The following HTT variants were observed in gnomAD, a reference collection of about 807,000 sequenced individuals.
HTT encodes the protein huntington disease protein.
In HTT, 104 loss-of-function variants were observed where a neutral mutation model predicts 362.3. The observed-to-expected ratio is 0.29, with a 90% confidence interval of 0.24 to 0.34. The LOEUF is 0.34. Ranked by LOEUF, HTT falls within the 10% of genes least tolerant of loss-of-function variation. The pLI is 1.00. For missense variants in HTT, 3,301 were observed against 3,928.6 expected, an observed-to-expected ratio of 0.84 and a Z score of 4.27; for synonymous variants, 1,577 against 1,548.7, an observed-to-expected ratio of 1.02 and a Z score of -0.43.
chr4:3,178,392 A>G lies in HTT; in HGVS notation c.4558A>G (p.Ile1520Val), dbSNP rs1718342006. 1 of 1,613,828 alleles carries G rather than the reference A, an allele frequency of 6.2e-7. No individual in the cohort carries two copies. The highest frequency in any genetic ancestry group is 1.3e-5 in the African/African-American group (1 of 75,024). The change falls in exon 35 of 67, where the codon ATC becomes GTC. Residue 1520 changes from isoleucine to valine, a missense_variant. This residue lies in a region of HTT where 2,316 missense variants were observed against 2,658.5 expected (regional missense o/e 0.87). Coordinates refer to ENST00000355072, the MANE Select transcript of HTT (RefSeq NM_001388492.1). ...HSKQIIGIPK[I>V]IQLCDGIMAS... ...AAAACAGATCATTGGAATTCCTAAA[A>G]TCATTCAGCTCTGTGATGGCATCAT...
At chr4:3,160,009 G>A (rs363142) in intron 28 of HTT, among the ~76,000 whole-genome samples, 2,238 of 152,192 alleles carry the variant, frequency 0.015, 22 homozygotes, top group Non-Finnish European at 0.024. Flanking sequence ...TTCTCATTAT[G>A]AAAGAAAGTT....
In HTT at chr4:3,127,330, C is replaced by T. The variant is rs1255535548; in HGVS notation, c.1469C>T (p.Ala490Val). 4 of 1,614,188 alleles carry T rather than the reference C, an allele frequency of 2.5e-6. No individual in the cohort carries two copies. Among genetic ancestry groups the T allele is most frequent in the East Asian group, 4.5e-5 (2 of 44,876 alleles). ...TCAGGGGTTTCCACTCCAGGGTCAG[C>T]AGGTCATGACATCATCACAGAACAG... is the stretch of plus-strand genomic sequence containing the variant. ...ASSGVSTPGS[A>V]GHDIITEQPR... Residue 490 changes from alanine (A) to valine (V), a missense_variant, in exon 12 of 67, where the codon GCA becomes GTA. Physicochemically the swap from Ala to Val is moderately conservative, Grantham distance 64 (BLOSUM62 0). This residue lies in a region of HTT where 2,316 missense variants were observed against 2,658.5 expected (regional missense o/e 0.87). Coordinates refer to ENST00000355072, the MANE Select transcript of HTT (RefSeq NM_001388492.1).
Position 3,148,181 on chromosome 4 carries a change from G to T in HTT, c.3472G>T (p.Asp1158Tyr). ...TAACATTTGTGCCCACGTCCTGGAT[G>T]ACGTGGCTCCTGGACCCGCAATAAA... ...VINICAHVLD[D>Y]VAPGPAIKAA... The change falls in exon 26 of 67, where the codon GAC becomes TAC. Residue 1158 changes from aspartate to tyrosine, a missense_variant. By Grantham distance (160) the Asp-to-Tyr change is radical. Transcript: ENST00000355072. 6.3e-7 allele frequency: 1 copy of T among 1,598,004 alleles called. No homozygotes were observed. Among genetic ancestry groups the T allele is most frequent in the South Asian group, 1.1e-5 (1 of 89,286 alleles).
At chr4:3,173,321 G>A (rs556911952) in intron 31 of HTT, 190 bp downstream of exon 31, 24 of 592,154 alleles carry the variant, frequency 4.1e-5, no homozygotes, top group South Asian at 2.3e-4. Context: ...CTTCCAAGAA[G>A]TGTGTGGCCA....
intron 44 of HTT, 39 bp from the exon 45 acceptor site, chr4:3,207,242 T>C (rs1198881272): frequency 1.3e-6 from 2 of 1,561,996 alleles, no homozygotes; most frequent in Non-Finnish European, 1.8e-6. Context: ...TTTGGGTTGT[T>C]AGGTGTTACA....
chr4:3,150,896 G>T (rs1434332719), intron 26 of HTT, among the ~76,000 whole-genome samples: 1 of 152,156 alleles, frequency 6.6e-6, no homozygotes. Context: ...AAAATTAGCC[G>T]GGTGTGGTGG....
intron 36 of HTT, 119 bp from the exon 37 acceptor site, chr4:3,182,235 C>G (rs1374091482): frequency 1.5e-6 from 1 of 661,630 alleles, no homozygotes; most frequent in Non-Finnish European, 2.7e-6. Context: ...TCGCTGGGAT[C>G]ACATCTGTTT....
At chr4:3,133,449 T>C (rs746919862) in intron 18 of HTT, among the ~76,000 whole-genome samples, 13 of 151,644 alleles carry the variant, frequency 8.6e-5, no homozygotes, top group Non-Finnish European at 1.8e-4. Context: ...TAAGGCGTGG[T>C]TACACCACTG....
At chr4:3,085,532 A>G (rs1409186844) in intron 1 of HTT, among the ~76,000 whole-genome samples, 1 of 152,230 alleles carries the variant, frequency 6.6e-6, no homozygotes, top group Non-Finnish European at 1.5e-5. Context: ...GTTCTTGCTC[A>G]GAGCAAGGTG....
intron 34 of HTT, 44 bp from the exon 35 acceptor site, chr4:3,178,254 C>G (rs377707454): frequency 6.4e-5 from 90 of 1,416,724 alleles, no homozygotes; most frequent in Non-Finnish European, 8.5e-5. Flanking sequence ...TGATATGTAT[C>G]TTAATTTTAA....
chr4:3,171,853 G>C, intron 29 of HTT, among the ~76,000 whole-genome samples: 1 of 152,218 alleles, frequency 6.6e-6, no homozygotes, highest in East Asian at 1.9e-4. Flanking sequence ...TGTGAGAAGA[G>C]TAACATTAAG....
At chr4:3,224,229 T>C in intron 56 of HTT, 98 bp downstream of exon 56, 1 of 1,327,326 alleles carries the variant, frequency 7.5e-7, no homozygotes, top group Non-Finnish European at 1.1e-6. Flanking sequence ...AAGACCTGAG[T>C]GTGGTCTGAG....
In HTT at chr4:3,217,745, C is replaced by A. The variant is rs199516595; in HGVS notation, c.7055-20C>A. The A allele has an allele frequency of 1.9e-6, 3 of 1,602,308 alleles. No homozygotes were observed. The highest frequency in any genetic ancestry group is 1.1e-5 in the South Asian group (1 of 89,476). ...GGATGTGTTTTTTAAAAAGTCCTCT[C>A]TTAACCGTTGCTTGTTTAGATCCTA... On this transcript the variant is annotated intron_variant, in intron 51 of 66. Transcript: ENST00000355072.
rs201557829 is a variant in HTT, at chr4:3,122,951, A to T, written c.1321+15A>T. 1,229 of 1,603,896 alleles carry T rather than the reference A, an allele frequency of 7.7e-4. 8 individuals carry two copies. Among genetic ancestry groups the T allele is most frequent in the Admixed American group, 1.9e-4 (11 of 59,200 alleles). ...AAAACAAAAAGGTGATTATTTCAGA[A>T]ATCAGAGTCTTGTGTTGAATCTTAC... On this transcript the variant is annotated intron_variant, in intron 10 of 66. Transcript: ENST00000355072.
At chr4:3,211,868 C>A in intron 47 of HTT, 61 bp from the exon 48 acceptor site, 1 of 1,205,030 alleles carries the variant, frequency 8.3e-7, no homozygotes, top group Admixed American at 1.7e-5. Flanking sequence ...GTTTTTCTTA[C>A]CTGATTGAAA....
At position 3,142,773 on chromosome 4, in the gene HTT, A is replaced by G. The variant is rs755280787; in HGVS notation, c.2953A>G (p.Arg985Gly). Residue 985 changes from arginine to glycine, a missense_variant, in exon 23 of 67, where the codon AGA becomes GGA. By Grantham distance (125) the Arg-to-Gly change is moderately radical. Coordinates refer to ENST00000355072, the MANE Select transcript of HTT (RefSeq NM_001388492.1). ...FSVSTITRIY[R>G]GYNLLPSITD... The stretch of plus-strand genomic sequence containing the variant: ...CTATATTTTTGTTATTAGAATATAT[A>G]GAGGCTATAACCTACTACCAAGCAT... 2 of 1,486,340 alleles carry G rather than the reference A, an allele frequency of 1.3e-6. No homozygotes were observed. Among genetic ancestry groups the G allele is most frequent in the Admixed American group, 3.4e-5 (2 of 59,590 alleles). 92.1% of individuals were successfully genotyped at this position (1,486,340 alleles called of 1,614,324 possible).
intron 40 of HTT, among the ~76,000 whole-genome samples, chr4:3,195,419 C>T (rs746547859): frequency 2.6e-5 from 4 of 152,078 alleles, no homozygotes; most frequent in East Asian, 1.9e-4. Flanking sequence ...CCTTCCTGCC[C>T]GCCTCCTTTC....
intron 1 of HTT, among the ~76,000 whole-genome samples, chr4:3,086,713 T>G (rs2110141719): frequency 6.6e-6 from 1 of 152,250 alleles, no homozygotes; most frequent in Middle Eastern, 3.4e-3. Flanking sequence ...AATGAACTGC[T>G]TTAGTAACAT....
intron 2 of HTT, among the ~76,000 whole-genome samples, chr4:3,095,465 A>C (rs1713809383): frequency 6.6e-6 from 1 of 152,206 alleles, no homozygotes; most frequent in African/African-American, 2.4e-5. Context: ...CAGTGAGTAG[A>C]GATGGTGGCA....
Sources: gnomAD v4.1 joint callset for allele counts (sites outside exome capture counted in the v4.1 genomes callset) on GRCh38, gnomAD v4.1.1 for gene constraint, gnomAD v4.1.1 regional missense constraint, MANE v1.5 for transcripts, NCBI Gene and HGNC (gene_info 2026-07-23, HGNC 2026-07-21) for gene names.